The following PCSK5 variants were observed in gnomAD, a reference collection of about 807,000 sequenced individuals.
The protein encoded by PCSK5 is prohormone convertase 5.
In PCSK5, 129 loss-of-function variants were observed where a neutral mutation model predicts 233.2. The observed-to-expected ratio is 0.55, with a 90% CI of 0.48 to 0.64. PCSK5 has a LOEUF of 0.64. Ranked by LOEUF, PCSK5 falls within the 30% of genes least tolerant of loss-of-function variation. The pLI is 0.00. For synonymous variants in PCSK5, 825 were observed against 879.2 expected (o/e 0.94, Z 1.09); for missense variants, 2,076 against 2,430.1 (o/e 0.85, Z 3.06).
In PCSK5 at chr9:76,303,899, C is replaced by A. The variant is rs77470428; in HGVS notation, c.3604+1682C>A. On this transcript the variant is annotated intron_variant, in intron 28 of 37. Transcript: ENST00000674117. ...TATTGGAAAACCAGGGGGCTGGCTG[C>A]AGTGGCTCACACCTGTAATCCCAGC... Among the ~76,000 whole-genome samples, 198 of 152,302 alleles carry A rather than the reference C, an allele frequency of 1.3e-3. 3 individuals carry two copies. In the East Asian group the frequency reaches 0.032, roughly 25 times the overall value.
chr9:76,292,230 C>G lies in PCSK5; in HGVS notation c.3143-3C>G, dbSNP rs1209917940. ...ATTACTTTTTATTATTTTTTTTTTCCAGATGATCCAGGAACATGTACATCT... is the reference window on the plus strand; with the variant it reads ...ATTACTTTTTATTATTTTTTTTTTCGAGATGATCCAGGAACATGTACATCT... On this transcript the variant is annotated splice_region_variant and splice_polypyrimidine_tract_variant and intron_variant, in intron 24 of 37. Transcript: ENST00000674117. The G allele has an allele frequency of 6.5e-7, 1 of 1,533,254 alleles. No individual in the cohort carries two copies. The highest frequency in any genetic ancestry group is 1.7e-5 in the Admixed American group (1 of 58,316). 95.0% of individuals were successfully genotyped at this position (1,533,254 alleles called of 1,614,324 possible).
chr9:76,338,489 T>A, intron 35 of PCSK5, 42 bp downstream of exon 35: 3 of 1,414,078 alleles, frequency 2.1e-6, no homozygotes, highest in Non-Finnish European at 3.0e-6. Context: ...CGTAGAAAAA[T>A]GAAAAGGTTT....
chr9:76,185,634 C>A (rs1191331167), intron 17 of PCSK5, among the ~76,000 whole-genome samples: 1 of 152,080 alleles, frequency 6.6e-6, no homozygotes, highest in Non-Finnish European at 1.5e-5. Flanking sequence ...GCTTACTTGG[C>A]AATTTTCATC....
chr9:76,118,083 T>C (rs1223660430), intron 9 of PCSK5, among the ~76,000 whole-genome samples: 1 of 152,114 alleles, frequency 6.6e-6, no homozygotes, highest in Non-Finnish European at 1.5e-5. Context: ...AGCAGATGTA[T>C]TCAATTCTAT....
chr9:75,966,152 C>T (rs999944349), intron 2 of PCSK5, among the ~76,000 whole-genome samples: 6 of 152,144 alleles, frequency 3.9e-5, no homozygotes, highest in African/African-American at 1.4e-4. Context: ...CTGAGGTTAA[C>T]ACTTTGGGTA....
At chr9:76,196,578 C>T (rs1564101247) in intron 20 of PCSK5, among the ~76,000 whole-genome samples, 1 of 152,206 alleles carries the variant, frequency 6.6e-6, no homozygotes, top group East Asian at 1.9e-4. Flanking sequence ...ACAAATTGAG[C>T]TCCAACTAGG....
chr9:75,954,311 CTGTCTT>C (rs568113090), intron 2 of PCSK5, among the ~76,000 whole-genome samples: 6 of 152,166 alleles, frequency 3.9e-5, no homozygotes, highest in African/African-American at 1.2e-4. Context: ...CATCAATACT[CTGTCTT>C]TGTGTTTGTA....
intron 9 of PCSK5, among the ~76,000 whole-genome samples, chr9:76,123,627 C>T (rs1832730506): frequency 6.6e-6 from 1 of 152,030 alleles, no homozygotes. Context: ...TAATTCTGTT[C>T]AATTTATTTT....
At chr9:75,895,700 A>G (rs1221517891) in intron 1 of PCSK5, among the ~76,000 whole-genome samples, 1 of 152,156 alleles carries the variant, frequency 6.6e-6, no homozygotes, top group Non-Finnish European at 1.5e-5. Flanking sequence ...TAACCTGAAA[A>G]ATTTTGTTAA....
At chr9:76,227,428 G>T (rs1350392738) in intron 20 of PCSK5, 75 bp from the exon 21 acceptor site, 3 of 1,002,672 alleles carry the variant, frequency 3.0e-6, no homozygotes, top group Non-Finnish European at 4.6e-6. Context: ...ACAGAGATCT[G>T]GCTGCTCTCA....
At chr9:76,258,376 G>A (rs2131355374) in intron 24 of PCSK5, among the ~76,000 whole-genome samples, 2 of 152,308 alleles carry the variant, frequency 1.3e-5, no homozygotes, top group Middle Eastern at 3.4e-3. Context: ...CTTTGGGTCA[G>A]GTTTGGAGGT....
chr9:76,132,738 C>T (rs1021336349), intron 9 of PCSK5, among the ~76,000 whole-genome samples: 1 of 152,018 alleles, frequency 6.6e-6, no homozygotes, highest in East Asian at 1.9e-4. Flanking sequence ...CTGATTCAAT[C>T]AGTACAACGA....
intron 37 of PCSK5, among the ~76,000 whole-genome samples, chr9:76,355,929 C>T (rs1830290528): frequency 6.6e-6 from 1 of 152,150 alleles, no homozygotes; most frequent in Non-Finnish European, 1.5e-5. Flanking sequence ...GTCTTGACCT[C>T]CTGACCTCAG....
rs118158306 is a variant in PCSK5, at chr9:76,136,106, G to A, written c.1312+1894G>A. On this transcript the variant is annotated intron_variant, in intron 10 of 37. Transcript: ENST00000674117. ...ATGGCTGCCAAGAGTAACAATTAAA[G>A]TTTGCTTTTTCACAGATGAATTATT... 9.1e-4 allele frequency among the ~76,000 whole-genome samples: 139 copies of A among 152,028 alleles called. 1 individual carries two copies. The highest frequency in any genetic ancestry group is 1.4e-3 in the Non-Finnish European group (96 of 67,932).
At chr9:76,103,496 A>T (rs1289436716) in intron 8 of PCSK5, among the ~76,000 whole-genome samples, 1 of 152,196 alleles carries the variant, frequency 6.6e-6, no homozygotes, top group Non-Finnish European at 1.5e-5. Flanking sequence ...GGAGAATTAC[A>T]TCAACAGGCT....
intron 12 of PCSK5, among the ~76,000 whole-genome samples, chr9:76,160,953 T>C (rs975741231): frequency 6.6e-6 from 1 of 152,130 alleles, no homozygotes; most frequent in Non-Finnish European, 1.5e-5. Context: ...TTTGTATTTT[T>C]AGTAGAGACG....
At chr9:76,314,645 TG>T (rs1216298181) in intron 30 of PCSK5, among the ~76,000 whole-genome samples, 3 of 152,130 alleles carry the variant, frequency 2.0e-5, no homozygotes, top group Non-Finnish European at 4.4e-5. Flanking sequence ...AAAAAGTGTT[TG>T]TTTTTTTTGA....
chr9:76,195,379 G>T (rs1395960784), intron 20 of PCSK5: 1 of 152,176 alleles, frequency 6.6e-6, no homozygotes, highest in African/African-American at 2.4e-5. Context: ...AGATAAAAAT[G>T]ATGTCTGTTT....
chr9:76,236,627 C>A (rs1826260341), intron 22 of PCSK5, among the ~76,000 whole-genome samples: 2 of 152,196 alleles, frequency 1.3e-5, no homozygotes, highest in Non-Finnish European at 2.9e-5. Flanking sequence ...AGCAGGGCTA[C>A]TCAAAATCTG....
Sources: gnomAD v4.1 joint callset for allele counts (sites outside exome capture counted in the v4.1 genomes callset) on GRCh38, gnomAD v4.1.1 for gene constraint, MANE v1.5 for transcripts, NCBI Gene and HGNC (gene_info 2026-07-23, HGNC 2026-07-21) for gene names.